The following KLK7 variants were observed in gnomAD, a reference collection of about 807,000 sequenced individuals.
KLK7 encodes the protein kallikrein related peptidase 7, also known as kallikrein-7.
KLK7 carries 17 observed loss-of-function variants against 21.0 expected under a neutral mutation model. The observed-to-expected ratio is 0.81, with a 90% confidence interval of 0.55 to 1.21. The LOEUF (loss-of-function observed/expected upper bound fraction) is 1.21. KLK7 is among the 50% of genes most tolerant of loss of function. The pLI is 0.00. For synonymous variants in KLK7, 151 were observed against 134.6 expected (o/e 1.12, Z -0.85); for missense variants, 330 against 322.8 (o/e 1.02, Z -0.17).
rs201785382 is a variant in KLK7 at position 50,978,760 on chromosome 19, AAG to A, written c.606+1026_606+1027del. ...AGAGGAGAGAGATAGAAGAAAGAGA[AAG>A]AGAGAGACAGTAAAAAGGAGGGGGC... On this transcript the variant is annotated intron_variant, in intron 5 of 5. Coordinates refer to ENST00000595820, the MANE Select transcript of KLK7 (RefSeq NM_005046.4). 4.8e-3 allele frequency among the ~76,000 whole-genome samples: 681 copies of A among 142,098 alleles called. 13 individuals carry two copies. Among genetic ancestry groups the A allele is most frequent in the African/African-American group, 0.017 (641 of 37,990 alleles). The allele number at this position is 142,098 out of a possible 152,430, so 93.2% of individuals were successfully genotyped here.
chr19:50,977,085 C>G lies in KLK7; in HGVS notation c.*451G>C, dbSNP rs1237962443. The stretch of plus-strand genomic sequence containing the variant: ...GTGCCAAGCCAGACTATTATTTAAG[C>G]CATCTGGTACTTTTGGAACATGTTT... On this transcript the variant is annotated 3_prime_UTR_variant, in exon 6 of 6. Coordinates refer to ENST00000595820, the MANE Select transcript of KLK7 (RefSeq NM_005046.4). 1 of 154,380 alleles carries G rather than the reference C, an allele frequency of 6.5e-6. No homozygotes were observed. The highest frequency in any genetic ancestry group is 1.4e-5 in the Non-Finnish European group (1 of 69,542). The allele number at this position is 154,380 out of a possible 1,614,324, so 9.6% of individuals were successfully genotyped here.
chr19:50,981,865 G>A lies in KLK7; in HGVS notation c.123C>T (p.His41=), dbSNP rs567032941. The A allele has an allele frequency of 6.2e-7, 1 of 1,612,178 alleles. No individual in the cohort carries two copies. The highest frequency in any genetic ancestry group is 1.7e-5 in the Admixed American group (1 of 59,894). ...CACTGAGCAGGGCCACCTGCCATGG[G>A]TGGGAGCCTCTTGCACATGGGGCGC... ...IDGAPCARGS[H]PWQVALLSGN... is the part of the protein sequence containing the mutation. Residue 41 remains histidine, a synonymous_variant, in exon 3 of 6, where the codon CAC becomes CAT. Coordinates refer to ENST00000595820, the MANE Select transcript of KLK7 (RefSeq NM_005046.4).
rs771147048 is a variant in KLK7, at chr19:50,981,806, T to G, written c.182A>C (p.Asn61Thr). The part of the protein sequence containing the change: ...NQLHCGGVLV[N>T]ERWVLTAAHC... ...GGCGGCAGTGAGCACCCAGCGCTCA[T>G]TGACCAGGACGCCTCCGCAGTGGAG... Residue 61 changes from asparagine to threonine, a missense_variant, in exon 3 of 6, where the codon AAT becomes ACT. By Grantham distance (65) the Asn-to-Thr change is moderately conservative (BLOSUM62 0). Coordinates refer to ENST00000595820, the MANE Select transcript of KLK7 (RefSeq NM_005046.4). The G allele has an allele frequency of 3.1e-6, 5 of 1,596,108 alleles. No homozygotes were observed. The highest frequency in any genetic ancestry group is 4.3e-6 in the Non-Finnish European group (5 of 1,172,894).
chr19:50,981,548 CAG>C (rs1491436430), intron 3 of KLK7, among the ~76,000 whole-genome samples: 2 of 111,842 alleles, frequency 1.8e-5, no homozygotes, highest in Non-Finnish European at 3.5e-5. Flanking sequence ...AACAGAGATC[CAG>C]AGAGAGGGGG....
At chr19:50,978,794 A>T (rs1468318086) in intron 5 of KLK7, among the ~76,000 whole-genome samples, 2 of 144,058 alleles carry the variant, frequency 1.4e-5, no homozygotes, top group African/African-American at 2.6e-5. Context: ...GGGCAAGGAG[A>T]GATGAGGGAG....
chr19:50,981,628 G>T, intron 3 of KLK7, 139 bp downstream of exon 3: 4 of 754,886 alleles, frequency 5.3e-6, no homozygotes, highest in Non-Finnish European at 8.3e-6. Flanking sequence ...GGGAGAGGGG[G>T]TACAGAGGCC....
chr19:50,977,749 T>G, intron 5 of KLK7, 58 bp from the exon 6 acceptor site: 1 of 1,543,710 alleles, frequency 6.5e-7, no homozygotes, highest in South Asian at 1.1e-5. Context: ...CAACTCATTC[T>G]CATACATTCC....
chr19:50,977,617 G>T lies in KLK7; in HGVS notation c.681C>A (p.Gly227=). 3 of 1,613,466 alleles carry T rather than the reference G, an allele frequency of 1.9e-6. No individual in the cohort carries two copies. Among genetic ancestry groups the T allele is most frequent in the Non-Finnish European group, 2.5e-6 (3 of 1,179,824 alleles). Residue 227 remains glycine (G), a synonymous_variant, in exon 6 of 6, where the codon GGC becomes GGA. Coordinates refer to ENST00000595820, the MANE Select transcript of KLK7 (RefSeq NM_005046.4). ...GLVSWGTFPC[G]QPNDPGVYTQ... is the part of the protein sequence containing the mutation. The stretch of plus-strand genomic sequence containing the variant: ...TGTAGACTCCTGGGTCATTGGGTTG[G>T]CCGCAAGGGAAAGTTCCCCAGGACA...
rs1186704425 is a variant in KLK7, at chr19:50,977,302, T to C, written c.*234A>G. The C allele has an allele frequency of 2.0e-6, 1 of 504,538 alleles. No homozygotes were observed. 31.3% of individuals were successfully genotyped at this position (504,538 alleles called of 1,614,324 possible). On this transcript the variant is annotated 3_prime_UTR_variant, in exon 6 of 6. Coordinates refer to ENST00000595820, the MANE Select transcript of KLK7 (RefSeq NM_005046.4). ...AGACTGTACGAACGTCCAGTTCCAG[T>C]GTTTGAGAGTGCTGGTCTCACTGAC...
intron 5 of KLK7, among the ~76,000 whole-genome samples, chr19:50,978,022 C>T (rs149040994): frequency 3.3e-4 from 50 of 152,228 alleles, no homozygotes; most frequent in Non-Finnish European, 6.3e-4. Flanking sequence ...GGGGTGGATG[C>T]GTGCCCTGTG....
intron 5 of KLK7, among the ~76,000 whole-genome samples, chr19:50,978,176 G>A (rs1335491967): frequency 1.3e-5 from 2 of 152,202 alleles, no homozygotes; most frequent in East Asian, 3.8e-4. Flanking sequence ...GAATGCATTA[G>A]ACTAAGTTTG....
chr19:50,980,002 G>A (rs1171360398), intron 4 of KLK7, 78 bp from the exon 5 acceptor site: 1 of 1,510,130 alleles, frequency 6.6e-7, no homozygotes, highest in Non-Finnish European at 8.9e-7. Context: ...TCAGGCTCCT[G>A]GTTCCGAGGG....
Position 50,976,670 on chromosome 19 carries a change from T to G in KLK7, c.*866A>C, listed in dbSNP as rs1350654282. The G allele has an allele frequency of 6.6e-6, 1 of 152,228 alleles. No homozygotes were observed. Among genetic ancestry groups the G allele is most frequent in the Non-Finnish European group, 1.5e-5 (1 of 68,036 alleles). 9.4% of individuals were successfully genotyped at this position (152,228 alleles called of 1,614,324 possible). A position where few individuals can be genotyped will look rare whatever the true frequency, so the allele number is the denominator to read the frequency against. ...ATATATATTTTTGTCCTTCCTTTTG[T>G]CATTTAACATCCTATAGCCTAAATG... On this transcript the variant is annotated 3_prime_UTR_variant, in exon 6 of 6. Transcript: ENST00000595820.
chr19:50,983,506 C>G (rs1300919671), intron 1 of KLK7, among the ~76,000 whole-genome samples: 1 of 139,442 alleles, frequency 7.2e-6, no homozygotes, highest in Admixed American at 7.1e-5. Context: ...AGACCCCCAG[C>G]CCCTCCTCCC....
upstream of KLK7, chr19:50,984,003 GGACACCCCC>G (rs1466179414): frequency 1.3e-5 from 14 of 1,082,732 alleles, no homozygotes; most frequent in Admixed American, 1.7e-4. Flanking sequence ...GCCGACTCTG[GGACACCCCC>G]GCCTGCATTT....
rs1243899322 is a variant in KLK7 at position 50,982,458 on chromosome 19, C to T, written c.-58-1G>A. On this transcript the variant is annotated splice_acceptor_variant, in intron 1 of 5. Coordinates refer to ENST00000595820, the MANE Select transcript of KLK7 (RefSeq NM_005046.4). LOFTEE classifies it low-confidence loss of function (5UTR_SPLICE). ...CGAGGAAGGGCCTCTCCTGCTGGAG[C>T]TGAGAAGGAGAAAGCATTCAGGCCC... 3.2e-6 allele frequency: 5 copies of T among 1,558,928 alleles called. No homozygotes were observed. Among genetic ancestry groups the T allele is most frequent in the Non-Finnish European group, 4.3e-6 (5 of 1,152,728 alleles).
intron 2 of KLK7, 82 bp from the exon 3 acceptor site, chr19:50,981,996 G>A: frequency 7.3e-7 from 1 of 1,368,026 alleles, no homozygotes; most frequent in Non-Finnish European, 1.0e-6. Flanking sequence ...CCCAGAGTCA[G>A]AGATGGACAG....
chr19:50,981,969 G>A, intron 2 of KLK7, 55 bp from the exon 3 acceptor site: 1 of 1,570,418 alleles, frequency 6.4e-7, no homozygotes, highest in Non-Finnish European at 8.7e-7. Context: ...GAAGGCTGAG[G>A]CTGCACCTCA....
intron 1 of KLK7, 137 bp from the exon 2 acceptor site, chr19:50,982,594 C>A (rs1176250002): frequency 3.5e-6 from 2 of 578,822 alleles, no homozygotes; most frequent in Non-Finnish European, 5.7e-6. Context: ...CAGGCCCCAG[C>A]CCCTCCTCCC....
Sources: allele counts gnomAD v4.1 joint callset (sites outside exome capture counted in the v4.1 genomes callset), GRCh38; gene constraint gnomAD v4.1.1; transcripts MANE v1.5; gene names NCBI Gene and HGNC (gene_info 2026-07-23, HGNC 2026-07-21).